LOC128462377: variants seen among roughly 807,000 people sequenced by gnomAD.
At chr16:89,323,518 T>A in the LOC128462377 span, among the ~76,000 whole-genome samples, 24 of 59,898 alleles carry the variant, frequency 4.0e-4, no homozygotes, top group African/African-American at 1.4e-3. Flanking sequence ...GCAGGGGGGC[T>A]GAGCCGAGGG....
chr16:89,328,258 T>C, the LOC128462377 span, among the ~76,000 whole-genome samples: 1 of 152,184 alleles, frequency 6.6e-6, no homozygotes, highest in Non-Finnish European at 1.5e-5. Context: ...GAACGCAAAG[T>C]GGTGTTGCTG....
the LOC128462377 span, among the ~76,000 whole-genome samples, chr16:89,410,750 C>G: frequency 6.6e-6 from 1 of 152,224 alleles, no homozygotes; most frequent in Non-Finnish European, 1.5e-5. Flanking sequence ...TACAAAGAAC[C>G]CTCGCTTCTC....
the LOC128462377 span, among the ~76,000 whole-genome samples, chr16:89,340,689 A>G: frequency 8.5e-5 from 13 of 152,372 alleles, no homozygotes; most frequent in African/African-American, 2.6e-4. Flanking sequence ...TATAATTAAC[A>G]AATTTCATTT....
the LOC128462377 span, among the ~76,000 whole-genome samples, chr16:89,328,708 G>T: frequency 7.6e-5 from 11 of 144,936 alleles, no homozygotes; most frequent in South Asian, 2.5e-3. Context: ...GAAATCAGTG[G>T]AGGCCCCTGC....
chr16:89,379,309 T>C, the LOC128462377 span, among the ~76,000 whole-genome samples: 5 of 152,200 alleles, frequency 3.3e-5, no homozygotes, highest in Admixed American at 2.0e-4. Context: ...AGTTCCTAAG[T>C]GGAACAACAA....
chr16:89,325,465 T>A, the LOC128462377 span, among the ~76,000 whole-genome samples: 5 of 139,446 alleles, frequency 3.6e-5, no homozygotes, highest in African/African-American at 1.5e-4. Context: ...TCTCTCTCTC[T>A]CTCTCACACA....
the LOC128462377 span, among the ~76,000 whole-genome samples, chr16:89,381,354 A>AAAAAAAAAGGGG: frequency 8.0e-6 from 1 of 125,346 alleles, no homozygotes; most frequent in African/African-American, 3.3e-5. Flanking sequence ...AAAAAAAAAA[A>AAAAAAAAAGGGG]GGGGTGAGAA....
chr16:89,328,576 C>G, the LOC128462377 span, among the ~76,000 whole-genome samples: 1 of 149,990 alleles, frequency 6.7e-6, no homozygotes, highest in East Asian at 1.9e-4. Context: ...AGTGAGTGGA[C>G]ACACCCAGGC....
At chr16:89,353,869 A>C in the LOC128462377 span, among the ~76,000 whole-genome samples, 2 of 152,234 alleles carry the variant, frequency 1.3e-5, no homozygotes, top group East Asian at 3.8e-4. Context: ...CACCCGAAAC[A>C]AGACAGAGCA....
the LOC128462377 span, among the ~76,000 whole-genome samples, chr16:89,401,299 G>A: frequency 3.3e-5 from 5 of 151,988 alleles, no homozygotes; most frequent in Non-Finnish European, 1.5e-5. Flanking sequence ...GGCTGGTCTC[G>A]AACTCCTGAC....
chr16:89,402,400 T>G, the LOC128462377 span, among the ~76,000 whole-genome samples: 1 of 152,116 alleles, frequency 6.6e-6, no homozygotes, highest in South Asian at 2.1e-4. Context: ...CACATCAATT[T>G]AAATTTAGGT....
At chr16:89,379,146 GCCC>G in the LOC128462377 span, among the ~76,000 whole-genome samples, 1 of 152,218 alleles carries the variant, frequency 6.6e-6, no homozygotes, top group Non-Finnish European at 1.5e-5. Context: ...GGTGGGGCCG[GCCC>G]CCATGCCTGC....
the LOC128462377 span, among the ~76,000 whole-genome samples, chr16:89,386,583 G>A: frequency 1.9e-3 from 291 of 152,328 alleles, no homozygotes; most frequent in Non-Finnish European, 3.3e-3. Context: ...AGATGCCCGC[G>A]GGGAGGAGTG....
the LOC128462377 span, among the ~76,000 whole-genome samples, chr16:89,404,043 A>C: frequency 6.6e-6 from 1 of 152,236 alleles, no homozygotes; most frequent in Non-Finnish European, 1.5e-5. Context: ...CTTATAACTA[A>C]AATTCCAAAC....
chr16:89,341,456 T>C, the LOC128462377 span, among the ~76,000 whole-genome samples: 3 of 152,180 alleles, frequency 2.0e-5, no homozygotes. Flanking sequence ...TCCAGAAGGT[T>C]CCAGAAGGCC....
the LOC128462377 span, among the ~76,000 whole-genome samples, chr16:89,388,430 T>A: frequency 1.1e-4 from 17 of 150,884 alleles, no homozygotes; most frequent in South Asian, 3.2e-3. Flanking sequence ...ACGCCCAGCC[T>A]CCATGAGGTT....
chr16:89,337,313 C>T, the LOC128462377 span, among the ~76,000 whole-genome samples: 6 of 152,162 alleles, frequency 3.9e-5, no homozygotes, highest in Admixed American at 6.5e-5. Flanking sequence ...CGGAATCCTC[C>T]GCCACGTGAC....
the LOC128462377 span, among the ~76,000 whole-genome samples, chr16:89,325,650 C>T: frequency 2.0e-5 from 3 of 152,174 alleles, no homozygotes; most frequent in Non-Finnish European, 2.9e-5. Flanking sequence ...GACGGTGAAA[C>T]GGGTTCTAAG....
the LOC128462377 span, among the ~76,000 whole-genome samples, chr16:89,338,227 G>A: frequency 3.9e-5 from 6 of 152,012 alleles, no homozygotes; most frequent in South Asian, 4.2e-4. Context: ...AGCCCAGCAC[G>A]TCCACTCAGT....
Sources: gnomAD v4.1 joint callset for allele counts (sites outside exome capture counted in the v4.1 genomes callset) on GRCh38, gnomAD v4.1.1 for gene constraint, MANE v1.5 for transcripts.